Variants in CYRIB observed in about 807,000 individuals in gnomAD.
The protein encoded by CYRIB is CYFIP related Rac1 interactor B, also known as CYFIP-related Rac1 interactor B.
Under a neutral mutation model 44.2 loss-of-function variants are expected in CYRIB, and 8 were observed. The observed-to-expected ratio is 0.18, with a 90% CI of 0.11 to 0.33. CYRIB has a LOEUF of 0.33. Ranked by LOEUF, CYRIB falls within the 10% of genes least tolerant of loss-of-function variation. The pLI is 1.00. For missense variants in CYRIB, 185 were observed against 382.8 expected, an observed-to-expected ratio of 0.48 and a Z score of 4.31; for synonymous variants, 131 against 127.2, an observed-to-expected ratio of 1.03 and a Z score of -0.20.
chr8:129,920,093 C>CAAA (rs35451574), intron 1 of CYRIB, among the ~76,000 whole-genome samples: 1 of 92,042 alleles, frequency 1.1e-5, no homozygotes. Context: ...AAAACACTTT[C>CAAA]AAAAAAAAAA....
chr8:129,850,613 G>A, intron 9 of CYRIB: 2 of 538,100 alleles, frequency 3.7e-6, no homozygotes, highest in Non-Finnish European at 3.3e-6. Context: ...AGTGGTCTGA[G>A]GTACCTGAAG....
intron 2 of CYRIB, among the ~76,000 whole-genome samples, chr8:129,950,557 A>G (rs778666967): frequency 6.6e-6 from 1 of 151,526 alleles, no homozygotes; most frequent in Non-Finnish European, 1.5e-5. Context: ...GTGACAAAGC[A>G]AGACCATCTC....
At chr8:129,923,200 G>A (rs1057264050) in intron 1 of CYRIB, among the ~76,000 whole-genome samples, 2 of 150,290 alleles carry the variant, frequency 1.3e-5, no homozygotes, top group East Asian at 2.0e-4. Context: ...CCGATATCGC[G>A]CCATTGCACT....
chr8:129,890,875 A>T (rs1297855207), intron 2 of CYRIB, among the ~76,000 whole-genome samples: 2 of 152,102 alleles, frequency 1.3e-5, no homozygotes, highest in South Asian at 2.1e-4. Context: ...ACTCTGCAAC[A>T]GAGTGAGAAT....
At chr8:129,909,201 T>C (rs1217583853) in intron 1 of CYRIB, among the ~76,000 whole-genome samples, 1 of 152,198 alleles carries the variant, frequency 6.6e-6, no homozygotes, top group Non-Finnish European at 1.5e-5. Context: ...AAAAGTAAAT[T>C]GCAGTAACAG....
chr8:129,844,134 A>G (rs1159456063), intron 11 of CYRIB: 1 of 152,206 alleles, frequency 6.6e-6, no homozygotes, highest in Non-Finnish European at 1.5e-5. Flanking sequence ...TCTTTATACA[A>G]CTAAATAGTA....
chr8:129,955,098 A>T (rs572227689), intron 2 of CYRIB, among the ~76,000 whole-genome samples: 1 of 152,234 alleles, frequency 6.6e-6, no homozygotes, highest in South Asian at 2.1e-4. Flanking sequence ...TACTAAAAAC[A>T]CAAAATTAGC....
At chr8:129,856,820 T>C (rs1232964966) in intron 5 of CYRIB, among the ~76,000 whole-genome samples, 1 of 152,200 alleles carries the variant, frequency 6.6e-6, no homozygotes, top group Non-Finnish European at 1.5e-5. Context: ...TTATAGCTAG[T>C]AAATGCTAGG....
At chr8:129,929,340 G>C (rs1241177196) in intron 1 of CYRIB, among the ~76,000 whole-genome samples, 2 of 152,090 alleles carry the variant, frequency 1.3e-5, no homozygotes, top group Non-Finnish European at 1.5e-5. Flanking sequence ...AGAGCTAGAA[G>C]ATAGGAAAGT....
rs2073017019 is a variant in CYRIB at position 129,902,830 on chromosome 8, A to G, written c.-11+482T>C. 2.0e-5 allele frequency: 3 copies of G among 152,162 alleles called. No homozygotes were observed. The South Asian group carries it at 6.2e-4, about 32-fold the overall frequency. 9.4% of individuals were successfully genotyped at this position (152,162 alleles called of 1,614,324 possible). A position where few individuals can be genotyped will look rare whatever the true frequency, so the allele number is the denominator to read the frequency against. Reference sequence around the variant, plus strand: ...ATGTTTCAGTACTCAGGACCCTTTAACAGTAACTACCTTTTATGGTAACGA... The same window carrying G: ...ATGTTTCAGTACTCAGGACCCTTTAGCAGTAACTACCTTTTATGGTAACGA... On this transcript the variant is annotated intron_variant, in intron 2 of 11. Coordinates refer to ENST00000519824, the Ensembl canonical transcript of CYRIB.
intron 5 of CYRIB, 70 bp downstream of exon 7, chr8:129,862,159 C>T: frequency 8.6e-7 from 1 of 1,168,432 alleles, no homozygotes; most frequent in Non-Finnish European, 1.3e-6. Flanking sequence ...CATAAAAAAA[C>T]TCTAAACTTC....
intron 1 of CYRIB, among the ~76,000 whole-genome samples, chr8:129,933,974 G>C (rs1019328847): frequency 6.6e-6 from 1 of 151,984 alleles, no homozygotes; most frequent in Non-Finnish European, 1.5e-5. Context: ...AGCTAGTGAG[G>C]GTTTTTCCAA....
At chr8:129,880,202 T>C (rs778795788) in intron 2 of CYRIB, among the ~76,000 whole-genome samples, 8 of 152,236 alleles carry the variant, frequency 5.3e-5, no homozygotes, top group Non-Finnish European at 7.3e-5. Context: ...AATGAAAAAC[T>C]AAATTATACA....
At chr8:129,900,766 G>A (rs999827684) in intron 2 of CYRIB, among the ~76,000 whole-genome samples, 5 of 151,770 alleles carry the variant, frequency 3.3e-5, no homozygotes, top group Non-Finnish European at 7.4e-5. Context: ...GGCAACCTCC[G>A]CCTCCCAGGC....
chr8:129,918,979 A>G (rs775476663), intron 1 of CYRIB, among the ~76,000 whole-genome samples: 1 of 152,216 alleles, frequency 6.6e-6, no homozygotes, highest in Non-Finnish European at 1.5e-5. Context: ...ACTTCAAATG[A>G]AATACTCTAA....
Position 129,842,218 on chromosome 8 carries a change from A to C in CYRIB, c.912-13T>G, listed in dbSNP as rs1318054377. The C allele has an allele frequency of 6.3e-7, 1 of 1,583,924 alleles. No individual in the cohort carries two copies. Among genetic ancestry groups the C allele is most frequent in the South Asian group, 1.1e-5 (1 of 90,186 alleles). ...TTTTGTTGTGTACCTAAAAAAAGAA[A>C]AGAAAAAAGATCAATTTTAGGAACT... On this transcript the variant is annotated splice_polypyrimidine_tract_variant and intron_variant, in intron 11 of 11. Transcript: ENST00000519824.
chr8:129,928,170 C>CA (rs2089115888), intron 1 of CYRIB, among the ~76,000 whole-genome samples: 2 of 150,588 alleles, frequency 1.3e-5, no homozygotes, highest in Non-Finnish European at 3.0e-5. Context: ...AAAATGCTTA[C>CA]ACCTCAAAAG....
chr8:129,900,328 G>A (rs919418457), intron 2 of CYRIB, among the ~76,000 whole-genome samples: 5 of 152,120 alleles, frequency 3.3e-5, no homozygotes, highest in African/African-American at 1.2e-4. Flanking sequence ...AAACAAAAAC[G>A]AAAGTCACGT....
intron 6 of CYRIB, among the ~76,000 whole-genome samples, chr8:129,854,756 C>A (rs1391964661): frequency 7.9e-5 from 12 of 152,152 alleles, no homozygotes; most frequent in Admixed American, 7.9e-4. Flanking sequence ...AGTTTGGAAT[C>A]CAGCTCTTCC....
Sources: gnomAD v4.1 joint callset for allele counts (sites outside exome capture counted in the v4.1 genomes callset) on GRCh38, gnomAD v4.1.1 for gene constraint, MANE v1.5 for transcripts, NCBI Gene and HGNC (gene_info 2026-07-23, HGNC 2026-07-21) for gene names.